JADE2: variants seen among roughly 807,000 people sequenced by gnomAD.
JADE2 encodes the protein E3 ubiquitin-protein ligase Jade-2.
JADE2 carries 13 observed loss-of-function variants against 85.7 expected under a neutral mutation model. The ratio of observed to expected loss-of-function variants is 0.15; its 90% confidence interval spans 0.10 to 0.24. The LOEUF is 0.24. JADE2 is among the 10% of genes least tolerant of loss of function. The probability of loss-of-function intolerance (pLI) is 1.00; values close to 1 mark genes in which losing one functional copy is unlikely to be tolerated. For synonymous variants in JADE2, 440 were observed against 456.1 expected, an observed-to-expected ratio of 0.96 and a Z score of 0.45; for missense variants, 846 against 1,115.9, an observed-to-expected ratio of 0.76 and a Z score of 3.45.
intron 8 of JADE2, among the ~76,000 whole-genome samples, 188 bp from the exon 9 acceptor site, chr5:134,565,928 C>T (rs888525251): frequency 6.6e-6 from 1 of 151,730 alleles, no homozygotes; most frequent in African/African-American, 2.4e-5. Context: ...TTTCCAGGCA[C>T]CCCAGAGCTC....
upstream of JADE2, chr5:134,525,663 A>G: frequency 7.9e-7 from 1 of 1,259,464 alleles, no homozygotes; most frequent in South Asian, 1.3e-5. Flanking sequence ...TTGGTTTAAA[A>G]AGAAACAGAA....
chr5:134,549,348 AC>A (rs1762472564), intron 3 of JADE2, among the ~76,000 whole-genome samples: 1 of 152,122 alleles, frequency 6.6e-6, no homozygotes, highest in African/African-American at 2.4e-5. Context: ...ACATGGTGAA[AC>A]CCTGTCTTTA....
At chr5:134,551,113 GTT>G (rs1290617482) in intron 3 of JADE2, among the ~76,000 whole-genome samples, 1 of 152,162 alleles carries the variant, frequency 6.6e-6, no homozygotes, top group Non-Finnish European at 1.5e-5. Flanking sequence ...GCCCTGTGCT[GTT>G]TTATACCTCC....
intron 7 of JADE2, among the ~76,000 whole-genome samples, chr5:134,563,867 G>C (rs1466525216): frequency 2.0e-5 from 3 of 152,136 alleles, no homozygotes; most frequent in East Asian, 1.9e-4. Context: ...CCATCCTCAG[G>C]CATTAGCAAT....
intron 7 of JADE2, 40 bp from the exon 8 acceptor site, chr5:134,564,454 G>A (rs1160786711): frequency 7.2e-7 from 1 of 1,381,956 alleles, no homozygotes; most frequent in Non-Finnish European, 9.9e-7. Context: ...AGGCAGGCTG[G>A]GGATGAGAGG....
chr5:134,536,249 C>A (rs1761579744), intron 2 of JADE2, among the ~76,000 whole-genome samples: 1 of 152,142 alleles, frequency 6.6e-6, no homozygotes, highest in Non-Finnish European at 1.5e-5. Context: ...AGTCTGTATA[C>A]AACAGATACA....
chr5:134,570,738 C>T (rs533229784), intron 9 of JADE2, among the ~76,000 whole-genome samples: 1 of 152,132 alleles, frequency 6.6e-6, no homozygotes, highest in Non-Finnish European at 1.5e-5. Flanking sequence ...GGTTTACCCC[C>T]CTCCCTCTCT....
Position 134,555,765 on chromosome 5 carries a change from A to AC in JADE2, c.311+3556_311+3557insC, listed in dbSNP as rs1172659561. Among the ~76,000 whole-genome samples, 5 of 152,256 alleles carry AC rather than the reference A, an allele frequency of 3.3e-5. No homozygotes were observed. In the South Asian group the frequency reaches 6.2e-4, roughly 19 times the overall value. On this transcript the variant is annotated intron_variant, in intron 4 of 11. Coordinates refer to ENST00000681547, the MANE Select transcript of JADE2 (RefSeq NM_001388185.1). ...TAAAAGAATGTGTTTGTTAAGTAACAGTTTCATGGGGAAAGGCAGAATTGT... is the reference window on the plus strand; with the variant it reads ...TAAAAGAATGTGTTTGTTAAGTAACACGTTTCATGGGGAAAGGCAGAATTGT...
At chr5:134,565,741 G>A (rs1385718025) in intron 8 of JADE2, among the ~76,000 whole-genome samples, 2 of 151,514 alleles carry the variant, frequency 1.3e-5, no homozygotes, top group African/African-American at 4.9e-5. Flanking sequence ...GCTGAGGCAG[G>A]AGAATCGCTT....
At chr5:134,575,383 A>G (rs1259329627) in intron 10 of JADE2, 2 of 152,280 alleles carry the variant, frequency 1.3e-5, no homozygotes, top group East Asian at 3.8e-4. Flanking sequence ...AGAAAACAGC[A>G]TATTTGGAGA....
intron 1 of JADE2, among the ~76,000 whole-genome samples, chr5:134,533,805 G>A (rs916562053): frequency 4.7e-5 from 7 of 148,400 alleles, no homozygotes; most frequent in Non-Finnish European, 8.9e-5. Context: ...GGCGTGCAGT[G>A]GCACGATCAT....
chr5:134,549,963 A>T (rs1382788657), intron 3 of JADE2, among the ~76,000 whole-genome samples: 1 of 152,202 alleles, frequency 6.6e-6, no homozygotes, highest in Non-Finnish European at 1.5e-5. Context: ...CCCCAGCCCT[A>T]CTGAGCTCAG....
At chr5:134,568,555 C>A (rs1361563607) in intron 9 of JADE2, among the ~76,000 whole-genome samples, 1 of 152,196 alleles carries the variant, frequency 6.6e-6, no homozygotes, top group Non-Finnish European at 1.5e-5. Context: ...CCCACTCCTC[C>A]TCTGGGAAGA....
At chr5:134,559,773 C>T (rs1581450353) in intron 4 of JADE2, 57 bp from the exon 5 acceptor site, 2 of 1,555,810 alleles carry the variant, frequency 1.3e-6, no homozygotes, top group East Asian at 2.3e-5. Flanking sequence ...CCCTGGAGCC[C>T]CTATGGCGGC....
intron 1 of JADE2, chr5:134,533,694 C>G (rs1214798734): frequency 3.4e-6 from 1 of 296,578 alleles, no homozygotes; most frequent in Non-Finnish European, 4.9e-6. Flanking sequence ...AGGCTAGAAT[C>G]AGGAGTCAGG....
At chr5:134,551,962 A>G (rs1280512073) in intron 3 of JADE2, 90 bp from the exon 4 acceptor site, 11 of 1,167,520 alleles carry the variant, frequency 9.4e-6, no homozygotes, top group African/African-American at 1.5e-5. Flanking sequence ...TGTCCACTTG[A>G]GTTGCATGTA....
upstream of JADE2, chr5:134,525,549 A>G: frequency 7.3e-6 from 3 of 408,458 alleles, no homozygotes; most frequent in Non-Finnish European, 7.9e-6. Context: ...ATCCGAGTGA[A>G]TAAGAAAAAA....
At chr5:134,557,562 G>T (rs1763065709) in intron 4 of JADE2, among the ~76,000 whole-genome samples, 1 of 111,530 alleles carries the variant, frequency 9.0e-6, no homozygotes, top group African/African-American at 3.5e-5. Context: ...CCCAGAGTGT[G>T]ATATTCCCCT....
At chr5:134,536,687 TC>T (rs994742220) in intron 2 of JADE2, 2 of 152,204 alleles carry the variant, frequency 1.3e-5, no homozygotes, top group Non-Finnish European at 2.9e-5. Context: ...AGTAAGGAGT[TC>T]CATCTGCTGT....
Sources: allele counts gnomAD v4.1 joint callset (sites outside exome capture counted in the v4.1 genomes callset), GRCh38; gene constraint gnomAD v4.1.1; transcripts MANE v1.5; gene names NCBI Gene and HGNC (gene_info 2026-07-23, HGNC 2026-07-21).